Variants in VMP1 observed in about 807,000 individuals in gnomAD.
VMP1 encodes the protein vacuole membrane protein 1.
In VMP1, 11 loss-of-function variants were observed where a neutral mutation model predicts 56.0. The ratio of observed to expected loss-of-function variants is 0.20; its 90% CI spans 0.12 to 0.32. The LOEUF (loss-of-function observed/expected upper bound fraction) is 0.32, where lower values mean the gene tolerates loss of function less well. Ranked by LOEUF, VMP1 falls within the 10% of genes least tolerant of loss-of-function variation. The probability of loss-of-function intolerance (pLI) is 1.00; values close to 1 mark genes in which losing one functional copy is unlikely to be tolerated. For missense variants in VMP1, 296 were observed against 490.3 expected (o/e 0.60, Z 3.74); for synonymous variants, 149 against 165.0 (o/e 0.90, Z 0.74).
chr17:59,754,324 A>T (rs998301931), intron 5 of VMP1, among the ~76,000 whole-genome samples: 1 of 152,174 alleles, frequency 6.6e-6, no homozygotes, highest in Non-Finnish European at 1.5e-5. Flanking sequence ...TTTTTTCCTT[A>T]GTATAGACAT....
intron 6 of VMP1, among the ~76,000 whole-genome samples, chr17:59,768,321 G>A (rs112519558): frequency 2.0e-5 from 3 of 152,042 alleles, no homozygotes; most frequent in Admixed American, 6.6e-5. Context: ...TGGTGCTGGG[G>A]ACTGGGTGTA....
At chr17:59,819,207 C>G (rs1446521739) in intron 10 of VMP1, among the ~76,000 whole-genome samples, 1 of 152,136 alleles carries the variant, frequency 6.6e-6, no homozygotes, top group Non-Finnish European at 1.5e-5. Flanking sequence ...TAAATTTACT[C>G]TAGTTTTTTG....
rs142077942 is a variant in VMP1, at chr17:59,840,149, C to A, written c.*238C>A. The stretch of plus-strand genomic sequence containing the variant: ...TTTTCTTAGGGTGGAATGTGATGTT[C>A]AGCAGCAAACTTGCAACAGACTGGC... On this transcript the variant is annotated 3_prime_UTR_variant, in exon 12 of 12. Transcript: ENST00000262291. 1.7e-5 allele frequency: 8 copies of A among 458,396 alleles called. No individual in the cohort carries two copies. Among genetic ancestry groups the A allele is most frequent in the African/African-American group, 1.0e-4 (5 of 48,448 alleles). 28.4% of individuals were successfully genotyped at this position (458,396 alleles called of 1,614,324 possible).
chr17:59,768,576 C>T (rs564217235), intron 6 of VMP1, among the ~76,000 whole-genome samples: 44 of 151,998 alleles, frequency 2.9e-4, no homozygotes, highest in African/African-American at 1.0e-3. Context: ...GCACTCCAGC[C>T]TGGGCGACAG....
intron 7 of VMP1, among the ~76,000 whole-genome samples, chr17:59,787,473 A>G (rs1167339789): frequency 6.6e-6 from 1 of 152,146 alleles, no homozygotes; most frequent in Non-Finnish European, 1.5e-5. Flanking sequence ...ATTTCTTTTT[A>G]CATGCGCATT....
At chr17:59,726,489 T>C (rs1018400739) in intron 1 of VMP1, among the ~76,000 whole-genome samples, 7 of 152,156 alleles carry the variant, frequency 4.6e-5, no homozygotes, top group African/African-American at 1.7e-4. Context: ...AGACGGGGTT[T>C]CGCCATGTTG....
At chr17:59,721,296 T>C (rs2034386445) in intron 1 of VMP1, among the ~76,000 whole-genome samples, 1 of 148,434 alleles carries the variant, frequency 6.7e-6, no homozygotes, top group Admixed American at 6.7e-5. Flanking sequence ...CAGTGAGCCA[T>C]GATCGCCCCA....
chr17:59,735,012 A>C (rs2034965992), intron 2 of VMP1, among the ~76,000 whole-genome samples: 1 of 149,194 alleles, frequency 6.7e-6, no homozygotes, highest in South Asian at 2.1e-4. Context: ...CCCAGGTTCA[A>C]GGGATTCTTG....
chr17:59,836,842 A>G (rs1230519210), intron 10 of VMP1, among the ~76,000 whole-genome samples: 1 of 152,084 alleles, frequency 6.6e-6, no homozygotes, highest in African/African-American at 2.4e-5. Flanking sequence ...CATCTGATAA[A>G]ATATAATAGC....
At chr17:59,811,522 CT>C in intron 8 of VMP1, 147 bp from the exon 9 acceptor site, 1 of 635,106 alleles carries the variant, frequency 1.6e-6, no homozygotes, top group African/African-American at 1.8e-5. Context: ...GCCTAACCTC[CT>C]TTTGAACAAT....
At chr17:59,824,872 CAA>C (rs1204824277) in intron 10 of VMP1, among the ~76,000 whole-genome samples, 8 of 62,984 alleles carry the variant, frequency 1.3e-4, no homozygotes, top group African/African-American at 5.1e-4. Context: ...GACTCCGTCT[CAA>C]AAAAAAAAAA....
chr17:59,769,463 C>T (rs561951048), intron 6 of VMP1, among the ~76,000 whole-genome samples: 1 of 152,212 alleles, frequency 6.6e-6, no homozygotes, highest in African/African-American at 2.4e-5. Flanking sequence ...GTTCACTTGA[C>T]AAAATGTTTT....
intron 2 of VMP1, among the ~76,000 whole-genome samples, chr17:59,733,361 A>G (rs2034905475): frequency 6.6e-6 from 1 of 152,088 alleles, no homozygotes; most frequent in Admixed American, 6.6e-5. Context: ...ATTTCACCTT[A>G]TACCTAATCA....
intron 7 of VMP1, 115 bp downstream of exon 7, chr17:59,774,000 A>G: frequency 9.3e-7 from 1 of 1,078,940 alleles, no homozygotes; most frequent in Non-Finnish European, 1.2e-6. Context: ...AAAAAAAAAA[A>G]AAGAAAGAAA....
chr17:59,775,805 G>A (rs548239076), intron 7 of VMP1, among the ~76,000 whole-genome samples: 116 of 152,302 alleles, frequency 7.6e-4, no homozygotes, highest in African/African-American at 2.7e-3. Context: ...AACATAATTG[G>A]TTGAGGCTTT....
At chr17:59,757,040 T>C (rs1233765380) in intron 5 of VMP1, among the ~76,000 whole-genome samples, 1 of 152,184 alleles carries the variant, frequency 6.6e-6, no homozygotes, top group Non-Finnish European at 1.5e-5. Context: ...TACTTAATAT[T>C]AAGCAGCAGT....
intron 1 of VMP1, among the ~76,000 whole-genome samples, chr17:59,725,931 T>C (rs1404178549): frequency 6.6e-6 from 1 of 152,214 alleles, no homozygotes; most frequent in African/African-American, 2.4e-5. Flanking sequence ...ACCATTGTTA[T>C]AAGTACGCAC....
intron 10 of VMP1, among the ~76,000 whole-genome samples, chr17:59,834,272 T>G (rs995881927): frequency 6.6e-6 from 1 of 151,764 alleles, no homozygotes; most frequent in Non-Finnish European, 1.5e-5. Context: ...TTTGTTTTTG[T>G]TTTTGTTTGA....
At chr17:59,746,266 G>C (rs897298879) in intron 5 of VMP1, among the ~76,000 whole-genome samples, 52 of 152,170 alleles carry the variant, frequency 3.4e-4, no homozygotes, top group Admixed American at 1.3e-3. Flanking sequence ...CGCCTCCCGG[G>C]TTCAAGCAAT....
Sources: allele counts gnomAD v4.1 joint callset (sites outside exome capture counted in the v4.1 genomes callset), GRCh38; gene constraint gnomAD v4.1.1; transcripts MANE v1.5; gene names NCBI Gene and HGNC (gene_info 2026-07-23, HGNC 2026-07-21).